The following TSPEAR variants were observed in gnomAD, a reference collection of about 807,000 sequenced individuals.
TSPEAR encodes thrombospondin type laminin G domain and EAR repeats.
In TSPEAR, 69 loss-of-function variants were observed where a neutral mutation model predicts 71.6. The ratio of observed to expected loss-of-function variants is 0.96; its 90% CI spans 0.79 to 1.18. TSPEAR has a LOEUF of 1.18. Ranked by LOEUF, TSPEAR falls within the 50% of genes most tolerant of loss-of-function variation. The probability of loss-of-function intolerance (pLI) is 0.00; values close to 1 mark genes in which losing one functional copy is unlikely to be tolerated. For synonymous variants in TSPEAR, 402 were observed against 387.2 expected (o/e 1.04, Z -0.45); for missense variants, 971 against 894.9 (o/e 1.09, Z -1.09).
At chr21:44,503,458 C>T (rs1243200052) in intron 11 of TSPEAR, among the ~76,000 whole-genome samples, 10 of 118,964 alleles carry the variant, frequency 8.4e-5, no homozygotes, top group South Asian at 3.0e-4. Flanking sequence ...GGGAGGAAGC[C>T]GGCCTCGGTG....
chr21:44,646,528 G>C (rs753732254), intron 1 of TSPEAR: 1 of 1,612,596 alleles, frequency 6.2e-7, no homozygotes, highest in Non-Finnish European at 8.5e-7. Context: ...CGACTGCCCA[G>C]AGAGCTGCTG....
At chr21:44,693,470 A>C (rs782792826) in intron 1 of TSPEAR, among the ~76,000 whole-genome samples, 1 of 152,208 alleles carries the variant, frequency 6.6e-6, no homozygotes, top group Non-Finnish European at 1.5e-5. Context: ...ACTGTGACTC[A>C]ACAACAAAAA....
At chr21:44,517,026 C>G (rs2052595469) in intron 9 of TSPEAR, among the ~76,000 whole-genome samples, 1 of 152,200 alleles carries the variant, frequency 6.6e-6, no homozygotes, top group Non-Finnish European at 1.5e-5. Context: ...GCCGTCCTGG[C>G]CTGGCCCCTG....
chr21:44,533,072 G>A, intron 3 of TSPEAR, among the ~76,000 whole-genome samples: 1 of 152,238 alleles, frequency 6.6e-6, no homozygotes, highest in Non-Finnish European at 1.5e-5. Flanking sequence ...TCTGGAAAAG[G>A]AGTGCGCTTG....
At chr21:44,670,874 G>C (rs1216729797) in intron 1 of TSPEAR, among the ~76,000 whole-genome samples, 1 of 152,202 alleles carries the variant, frequency 6.6e-6, no homozygotes, top group African/African-American at 2.4e-5. Flanking sequence ...ACCAACCCAA[G>C]AGGGCTGCAG....
At chr21:44,701,240 G>A (rs538892150) in intron 1 of TSPEAR, among the ~76,000 whole-genome samples, 12 of 152,274 alleles carry the variant, frequency 7.9e-5, no homozygotes, top group East Asian at 1.9e-4. Context: ...TCTCAAACAC[G>A]GACTGTTTCT....
chr21:44,607,439 A>C (rs1457628457), intron 1 of TSPEAR, among the ~76,000 whole-genome samples: 4 of 152,244 alleles, frequency 2.6e-5, no homozygotes, highest in Non-Finnish European at 5.9e-5. Context: ...CCTAGTAAAT[A>C]CACACAATTA....
chr21:44,568,591 G>C (rs1158123725), intron 1 of TSPEAR, among the ~76,000 whole-genome samples: 4 of 152,180 alleles, frequency 2.6e-5, no homozygotes, highest in Admixed American at 1.3e-4. Flanking sequence ...TAATTGATGG[G>C]CTGGCCTGGC....
Position 44,641,436 on chromosome 21 carries a change from G to A in TSPEAR, c.82+69997C>T, listed in dbSNP as rs899375958. Among the ~76,000 whole-genome samples the A allele has an allele frequency of 8.5e-5, 13 of 152,108 alleles. No individual in the cohort carries two copies. In the South Asian group the frequency reaches 1.2e-3, roughly 15 times the overall value. ...TGCTGATACAGTGACCCCAGTTCAG[G>A]CAAGGATTGACCCAAACCCAATGCA... is the stretch of plus-strand genomic sequence containing the variant. On this transcript the variant is annotated intron_variant, in intron 1 of 11. Coordinates refer to ENST00000323084, the MANE Select transcript of TSPEAR (RefSeq NM_144991.3).
chr21:44,618,741 A>C (rs1555932990), intron 1 of TSPEAR, among the ~76,000 whole-genome samples: 1 of 152,204 alleles, frequency 6.6e-6, no homozygotes, highest in Non-Finnish European at 1.5e-5. Flanking sequence ...ACTAACACAC[A>C]GGGCTTGCCT....
intron 1 of TSPEAR, among the ~76,000 whole-genome samples, chr21:44,707,756 G>C (rs1555952762): frequency 6.6e-6 from 1 of 152,120 alleles, no homozygotes; most frequent in Non-Finnish European, 1.5e-5. Flanking sequence ...AAAGGTGATG[G>C]GTGAGGCGGC....
chr21:44,534,028 A>G, intron 2 of TSPEAR, 105 bp from the exon 3 acceptor site: 1 of 831,370 alleles, frequency 1.2e-6, no homozygotes, highest in Non-Finnish European at 1.9e-6. Context: ...TGGTGAGAGG[A>G]GCAGGGGCTG....
At chr21:44,678,941 C>A (rs943021627) in intron 1 of TSPEAR, among the ~76,000 whole-genome samples, 1 of 152,146 alleles carries the variant, frequency 6.6e-6, no homozygotes, top group Non-Finnish European at 1.5e-5. Context: ...TCTGGGAAGG[C>A]CTCTAAAATT....
At chr21:44,500,685 G>T (rs1555911017) in intron 11 of TSPEAR, among the ~76,000 whole-genome samples, 1 of 152,220 alleles carries the variant, frequency 6.6e-6, no homozygotes, top group Admixed American at 6.5e-5. Context: ...CCAAACAAAT[G>T]GGGGAGAACC....
intron 1 of TSPEAR, among the ~76,000 whole-genome samples, chr21:44,656,462 A>T (rs951378213): frequency 1.9e-4 from 29 of 151,900 alleles, no homozygotes; most frequent in African/African-American, 6.0e-4. Context: ...GGGTTGGCAA[A>T]TTTTTTTTGA....
intron 1 of TSPEAR, chr21:44,637,546 C>T (rs782101180): frequency 6.2e-7 from 1 of 1,613,636 alleles, no homozygotes; most frequent in South Asian, 1.1e-5. Flanking sequence ...TGGTCTGCAC[C>T]CCAGTGAGCT....
At chr21:44,541,060 C>T (rs587676740) in intron 2 of TSPEAR, among the ~76,000 whole-genome samples, 6 of 151,988 alleles carry the variant, frequency 3.9e-5, no homozygotes, top group African/African-American at 1.2e-4. Flanking sequence ...GGCGTGAGCC[C>T]GGTGCCTGGC....
rs200692415 is a variant in TSPEAR at position 44,627,626 on chromosome 21, C to A, written c.83-59621G>T. 3 of 1,612,726 alleles carry A rather than the reference C, an allele frequency of 1.9e-6. No individual in the cohort carries two copies. The South Asian group carries it at 3.3e-5, about 18-fold the overall frequency. ...GTCTGCTGCAAACCTGTGTGCTGTG[C>A]GCCCACCTGCTCTGAGGATTCCTAT... On this transcript the variant is annotated intron_variant, in intron 1 of 11. Transcript: ENST00000323084.
chr21:44,576,330 G>A (rs1337267086), intron 1 of TSPEAR, among the ~76,000 whole-genome samples: 2 of 150,708 alleles, frequency 1.3e-5, no homozygotes, highest in African/African-American at 4.9e-5. Flanking sequence ...ACTCATGGGT[G>A]AACAGACACA....
Sources: allele counts gnomAD v4.1 joint callset (sites outside exome capture counted in the v4.1 genomes callset), GRCh38; gene constraint gnomAD v4.1.1; transcripts MANE v1.5; gene names NCBI Gene and HGNC (gene_info 2026-07-23, HGNC 2026-07-21).